NSUN7: variants seen among roughly 807,000 people sequenced by gnomAD.
The protein encoded by NSUN7 is NOP2/Sun RNA methyltransferase family member 7.
A neutral mutation model predicts 58.5 loss-of-function variants in NSUN7; 39 were observed. The ratio of observed to expected loss-of-function variants is 0.67; its 90% CI spans 0.52 to 0.87. NSUN7 has a LOEUF of 0.87. Ranked by LOEUF, NSUN7 falls within the 40% of genes least tolerant of loss-of-function variation. The pLI is 0.00. For synonymous variants in NSUN7, 278 were observed against 303.7 expected (o/e 0.92, Z 0.88); for missense variants, 765 against 844.1 (o/e 0.91, Z 1.16).
chr4:40,777,993 AAAAAAGC>A (rs1742351024), intron 7 of NSUN7, among the ~76,000 whole-genome samples: 1 of 152,256 alleles, frequency 6.6e-6, no homozygotes, highest in Admixed American at 6.5e-5. Context: ...AACTATAATC[AAAAAAGC>A]TAAAAGAAAG....
At chr4:40,761,417 A>G (rs890635981) in intron 4 of NSUN7, 116 bp downstream of exon 4, 4 of 769,236 alleles carry the variant, frequency 5.2e-6, no homozygotes, top group Non-Finnish European at 7.9e-6. Context: ...GGAAAAATAT[A>G]AAAATTCATA....
chr4:40,781,166 A>G (rs1266776523), intron 7 of NSUN7, among the ~76,000 whole-genome samples: 1 of 151,952 alleles, frequency 6.6e-6, no homozygotes, highest in Non-Finnish European at 1.5e-5. Flanking sequence ...TCCCAGGTTC[A>G]AGCAATTCTC....
At position 40,810,795 on chromosome 4, in the gene NSUN7, T is replaced by G. The variant is rs1432712308; in HGVS notation, c.*1856T>G. On this transcript the variant is annotated 3_prime_UTR_variant, in exon 12 of 12. Transcript: ENST00000381782. Reference sequence around the variant, plus strand: ...TTATAGCGTGTGGCTCATCCTCTTATCCCACCCAGATTTCTATCTGGTTGG... The same window carrying G: ...TTATAGCGTGTGGCTCATCCTCTTAGCCCACCCAGATTTCTATCTGGTTGG... 1 of 152,192 alleles carries G rather than the reference T, an allele frequency of 6.6e-6. No individual in the cohort carries two copies. The highest frequency in any genetic ancestry group is 2.4e-5 in the African/African-American group (1 of 41,446). The allele number at this position is 152,192 out of a possible 1,614,324, so 9.4% of individuals were successfully genotyped here. A position where few individuals can be genotyped will look rare whatever the true frequency, so the allele number is the denominator to read the frequency against.
chr4:40,793,909 C>T (rs1428388181), intron 8 of NSUN7, among the ~76,000 whole-genome samples: 1 of 152,022 alleles, frequency 6.6e-6, no homozygotes, highest in African/African-American at 2.4e-5. Context: ...GAAGACATAA[C>T]ATTTGCTTTT....
chr4:40,792,712 A>T (rs914139379), intron 8 of NSUN7, among the ~76,000 whole-genome samples: 1 of 152,028 alleles, frequency 6.6e-6, no homozygotes, highest in South Asian at 2.1e-4. Flanking sequence ...AGATCGCGCC[A>T]CTGCACTCCA....
chr4:40,750,467 C>A, intron 1 of NSUN7, 136 bp from the exon 2 acceptor site: 2 of 436,330 alleles, frequency 4.6e-6, no homozygotes, highest in Non-Finnish European at 8.2e-6. Flanking sequence ...TTTTGAGCGT[C>A]CCAGGCTCGA....
At chr4:40,805,344 CT>C (rs1174467746) in intron 10 of NSUN7, among the ~76,000 whole-genome samples, 1 of 152,152 alleles carries the variant, frequency 6.6e-6, no homozygotes, top group Non-Finnish European at 1.5e-5. Context: ...TCCTCGTCTC[CT>C]TGCTGCTGTC....
Position 40,760,505 on chromosome 4 carries a change from GT to G in NSUN7, c.357+17del. On this transcript the variant is annotated intron_variant, in intron 3 of 11. Coordinates refer to ENST00000381782, the MANE Select transcript of NSUN7 (RefSeq NM_024677.6). The stretch of plus-strand genomic sequence containing the variant: ...AAGTACCACAATAGTAAGTAGATAA[GT>G]TTTAGAATTACATCGTTTCATGATT... 6.4e-7 allele frequency: 1 copy of G among 1,551,090 alleles called. No individual in the cohort carries two copies. The highest frequency in any genetic ancestry group is 8.8e-7 in the Non-Finnish European group (1 of 1,132,616).
At position 40,810,601 on chromosome 4, in the gene NSUN7, A is replaced by AAAAAT. The variant is rs1744217104; in HGVS notation, c.*1662_*1663insAAAAT. On this transcript the variant is annotated 3_prime_UTR_variant, in exon 12 of 12. Coordinates refer to ENST00000381782, the MANE Select transcript of NSUN7 (RefSeq NM_024677.6). ...TCAAAAAAAAAAAAAAAAAAAAAAA[A>AAAAAT]GTGTCAATGAAGAAAGGAAACAAGA... 5 of 147,426 alleles carry AAAAAT rather than the reference A, an allele frequency of 3.4e-5. No individual in the cohort carries two copies. The highest frequency in any genetic ancestry group is 4.5e-5 in the Non-Finnish European group (3 of 66,786). 9.1% of individuals were successfully genotyped at this position (147,426 alleles called of 1,614,324 possible). A position where few individuals can be genotyped will look rare whatever the true frequency, so the allele number is the denominator to read the frequency against.
intron 8 of NSUN7, among the ~76,000 whole-genome samples, chr4:40,793,333 T>A (rs1743180392): frequency 6.6e-6 from 1 of 152,064 alleles, no homozygotes; most frequent in Admixed American, 6.6e-5. Context: ...TCCCAGCTAT[T>A]CAGGAGGCTG....
Position 40,808,955 on chromosome 4 carries a change from T to A in NSUN7, c.*16T>A, listed in dbSNP as rs1480164084. ...ATGGCTTTGATTGTCTTGTGTTTTT[T>A]ATAGGGGCCAAAGAGCAGTTGATTT... On this transcript the variant is annotated 3_prime_UTR_variant, in exon 12 of 12. Coordinates refer to ENST00000381782, the MANE Select transcript of NSUN7 (RefSeq NM_024677.6). 3.3e-6 allele frequency: 5 copies of A among 1,499,604 alleles called. No homozygotes were observed. Among genetic ancestry groups the A allele is most frequent in the Non-Finnish European group, 4.4e-6 (5 of 1,126,750 alleles). The allele number at this position is 1,499,604 out of a possible 1,614,324, so 92.9% of individuals were successfully genotyped here.
At chr4:40,793,554 G>C (rs915801264) in intron 8 of NSUN7, among the ~76,000 whole-genome samples, 9 of 152,156 alleles carry the variant, frequency 5.9e-5, no homozygotes, top group South Asian at 2.1e-4. Context: ...GATAGTACTG[G>C]AATGGGCAAC....
Position 40,808,616 on chromosome 4 carries a change from C to T in NSUN7, c.1834C>T (p.His612Tyr), listed in dbSNP as rs550416801. Residue 612 changes from histidine to tyrosine, a missense_variant, in exon 12 of 12, where the codon CAT becomes TAT. By Grantham distance (83) the His-to-Tyr change is moderately conservative (BLOSUM62 2). Coordinates refer to ENST00000381782, the MANE Select transcript of NSUN7 (RefSeq NM_024677.6). The stretch of plus-strand genomic sequence containing the variant: ...CAGAAAACCCAACAAGCTGGCCCCC[C>T]ATCCTGCAGTGCCTGCATTTGTGAA... ...QTRKPNKLAP[H>Y]PAVPAFVKNT... 3 of 1,551,796 alleles carry T rather than the reference C, an allele frequency of 1.9e-6. No individual in the cohort carries two copies. The highest frequency in any genetic ancestry group is 2.6e-6 in the Non-Finnish European group (3 of 1,147,030).
intron 9 of NSUN7, among the ~76,000 whole-genome samples, chr4:40,794,872 C>G (rs557565086): frequency 3.9e-5 from 6 of 152,262 alleles, no homozygotes; most frequent in African/African-American, 7.2e-5. Flanking sequence ...TCTTATTTCT[C>G]TTAGTGCTAA....
chr4:40,750,935 C>G lies in NSUN7; in HGVS notation c.242C>G (p.Ser81Cys), dbSNP rs528452345. ...GNEPLRSLSE[S>C]EDQSFQRLSY... ...GAACCCCTGCGGTCCTTGTCCGAGT[C>G]TGAGGATCAGTCCTTTCAGCGTTTG... Residue 81 changes from serine to cysteine, a missense_variant, in exon 2 of 12, where the codon TCT (serine) becomes TGT (cysteine). Ser to Cys is a moderately radical substitution (Grantham distance 112). Transcript: ENST00000381782. The G allele has an allele frequency of 2.5e-5, 41 of 1,614,214 alleles. No individual in the cohort carries two copies. In the South Asian group the frequency reaches 4.3e-4, roughly 17 times the overall value.
At chr4:40,802,580 G>T (rs1236418213) in intron 10 of NSUN7, among the ~76,000 whole-genome samples, 1 of 152,102 alleles carries the variant, frequency 6.6e-6, no homozygotes, top group Non-Finnish European at 1.5e-5. Context: ...TTTTACTGCT[G>T]ATACAGCCAC....
intron 8 of NSUN7, 116 bp downstream of exon 8, chr4:40,790,861 C>A: frequency 1.3e-6 from 1 of 773,290 alleles, no homozygotes; most frequent in Non-Finnish European, 2.0e-6. Context: ...ATAGCAACCA[C>A]ATATAAAGTA....
chr4:40,752,742 TA>T (rs549078191), intron 2 of NSUN7, among the ~76,000 whole-genome samples: 3 of 25,090 alleles, frequency 1.2e-4, no homozygotes, highest in Non-Finnish European at 2.2e-4. Flanking sequence ...TTTTTAAAAT[TA>T]AAAAAAAATG....
At chr4:40,769,560 T>G (rs1013379643) in intron 4 of NSUN7, among the ~76,000 whole-genome samples, 2 of 152,236 alleles carry the variant, frequency 1.3e-5, no homozygotes, top group African/African-American at 4.8e-5. Context: ...TTTAGAAGAC[T>G]GAAGTGATTG....
Sources: allele counts gnomAD v4.1 joint callset (sites outside exome capture counted in the v4.1 genomes callset), GRCh38; gene constraint gnomAD v4.1.1; transcripts MANE v1.5; gene names NCBI Gene and HGNC (gene_info 2026-07-23, HGNC 2026-07-21).